Variants in ARRB1 observed in about 807,000 individuals in gnomAD.
ARRB1 encodes arrestin beta 1.
ARRB1 carries 21 observed loss-of-function variants against 56.8 expected under a neutral mutation model. The ratio of observed to expected loss-of-function variants is 0.37; its 90% CI spans 0.26 to 0.53. ARRB1 has a LOEUF of 0.53. Among genes scored for constraint, ARRB1 ranks in the 20% least tolerant of loss-of-function variants. ARRB1 has a pLI of 0.88. For missense variants in ARRB1, 424 were observed against 553.7 expected (o/e 0.77, Z 2.35); for synonymous variants, 210 against 218.6 (o/e 0.96, Z 0.35).
At chr11:75,342,736 G>T (rs1248457799) in intron 1 of ARRB1, among the ~76,000 whole-genome samples, 1 of 152,172 alleles carries the variant, frequency 6.6e-6, no homozygotes, top group Non-Finnish European at 1.5e-5. Context: ...GGAGAGAATG[G>T]CTCCGTGGCC....
intron 1 of ARRB1, among the ~76,000 whole-genome samples, chr11:75,331,791 T>G (rs1173565321): frequency 6.6e-6 from 1 of 151,754 alleles, no homozygotes; most frequent in African/African-American, 2.4e-5. Context: ...CGGACTCGAG[T>G]GAAACTCATC....
intron 7 of ARRB1, 101 bp downstream of exon 7, chr11:75,280,974 C>A: frequency 7.3e-7 from 1 of 1,377,736 alleles, no homozygotes; most frequent in Non-Finnish European, 1.0e-6. Flanking sequence ...CGCCCCTCCT[C>A]ACACACTTCC....
intron 1 of ARRB1, among the ~76,000 whole-genome samples, chr11:75,296,437 T>C (rs1204358428): frequency 2.6e-5 from 4 of 152,144 alleles, no homozygotes; most frequent in African/African-American, 9.7e-5. Flanking sequence ...CAACTCTCCA[T>C]GAACCAGAAT....
intron 1 of ARRB1, among the ~76,000 whole-genome samples, chr11:75,336,610 C>T (rs1591988144): frequency 1.3e-5 from 2 of 152,126 alleles, no homozygotes; most frequent in African/African-American, 4.8e-5. Context: ...TCCTGAGATG[C>T]GAGACTGAGA....
chr11:75,305,022 T>C (rs28828820), intron 1 of ARRB1, among the ~76,000 whole-genome samples: 1,788 of 86,456 alleles, frequency 0.021, 19 homozygotes, highest in African/African-American at 0.065. Flanking sequence ...TTCTTTCTTT[T>C]TTTTTTTTTT....
intron 1 of ARRB1, among the ~76,000 whole-genome samples, chr11:75,338,746 TTGATTA>T (rs1947650714): frequency 6.6e-6 from 1 of 152,238 alleles, no homozygotes; most frequent in Non-Finnish European, 1.5e-5. Flanking sequence ...TATTAATCAC[TTGATTA>T]TGATGTGTAA....
chr11:75,295,559 G>C (rs1479622049), intron 1 of ARRB1, among the ~76,000 whole-genome samples: 2 of 152,138 alleles, frequency 1.3e-5, no homozygotes, highest in Admixed American at 1.3e-4. Flanking sequence ...GGATAATCCA[G>C]AACAATCTCC....
chr11:75,305,030 T>C (rs1565129533), intron 1 of ARRB1, among the ~76,000 whole-genome samples: 1 of 140,338 alleles, frequency 7.1e-6, no homozygotes, highest in Admixed American at 7.1e-5. Context: ...TTTTTTTTTT[T>C]TTTTTTTTTT....
chr11:75,332,672 T>G (rs1947539878), intron 1 of ARRB1, among the ~76,000 whole-genome samples: 1 of 152,018 alleles, frequency 6.6e-6, no homozygotes, highest in Admixed American at 6.6e-5. Flanking sequence ...CGAGGCAGGC[T>G]GATCATGAGG....
intron 1 of ARRB1, among the ~76,000 whole-genome samples, chr11:75,298,255 A>G (rs75514996): frequency 4.6e-5 from 7 of 152,062 alleles, no homozygotes; most frequent in East Asian, 3.8e-4. Context: ...AAAAAAAAAA[A>G]AAAGAAACCC....
rs138466122 is a variant in ARRB1 at position 75,290,026 on chromosome 11, C to A, written c.34G>T (p.Ala12Ser). 6.8e-5 allele frequency: 110 copies of A among 1,614,236 alleles called. No individual in the cohort carries two copies. In the African/African-American group the frequency reaches 1.2e-3, roughly 18 times the overall value. The change falls in exon 2 of 16, where the codon GCC becomes TCC. Residue 12 changes from alanine to serine, a missense_variant. Physicochemically the swap from Ala to Ser is moderately conservative, Grantham distance 99. This residue lies in a region of ARRB1 where 301 missense variants were observed against 387.9 expected (regional missense o/e 0.78). Transcript: ENST00000420843. Reference sequence around the variant, plus strand: ...AGACTCACCTTTCCATTTGGACTGGCCTTCTTGAACACTCTGTGGAGAGAA... The same window carrying A: ...AGACTCACCTTTCCATTTGGACTGGACTTCTTGAACACTCTGTGGAGAGAA... ...GDKGTRVFKK[A>S]SPNGKLTVYL...
At chr11:75,283,780 G>A (rs1035688176) in intron 4 of ARRB1, among the ~76,000 whole-genome samples, 3 of 152,154 alleles carry the variant, frequency 2.0e-5, no homozygotes, top group African/African-American at 2.4e-5. Flanking sequence ...CAGGCTTGGC[G>A]GGGGCTGGAG....
At chr11:75,351,138 G>A (rs148983627) in intron 1 of ARRB1, among the ~76,000 whole-genome samples, 30 of 152,344 alleles carry the variant, frequency 2.0e-4, no homozygotes, top group African/African-American at 5.1e-4. Context: ...GTTGGATTGT[G>A]AGCTGTGCAT....
intron 5 of ARRB1, among the ~76,000 whole-genome samples, chr11:75,282,773 C>T (rs962243904): frequency 1.3e-5 from 2 of 152,248 alleles, no homozygotes; most frequent in Admixed American, 1.3e-4. Context: ...ACCCTCTCCA[C>T]TCTCTCAGCC....
intron 2 of ARRB1, among the ~76,000 whole-genome samples, 182 bp from the exon 3 acceptor site, chr11:75,287,557 A>G (rs1352632291): frequency 6.6e-6 from 1 of 152,214 alleles, no homozygotes; most frequent in African/African-American, 2.4e-5. Flanking sequence ...AAACCCCTGT[A>G]AAATCTTAAA....
chr11:75,280,915 C>G (rs1946319118), intron 7 of ARRB1, 160 bp downstream of exon 7: 7 of 795,064 alleles, frequency 8.8e-6, no homozygotes, highest in Non-Finnish European at 1.4e-5. Context: ...CCAAGGAAGC[C>G]CTCCGTGACC....
chr11:75,322,919 T>G (rs937831538), intron 1 of ARRB1, among the ~76,000 whole-genome samples: 1 of 152,208 alleles, frequency 6.6e-6, no homozygotes, highest in Non-Finnish European at 1.5e-5. Flanking sequence ...GTCTACTTCC[T>G]GGGTTGTTGT....
intron 1 of ARRB1, among the ~76,000 whole-genome samples, chr11:75,340,086 G>A (rs971169662): frequency 6.6e-6 from 1 of 152,260 alleles, no homozygotes; most frequent in African/African-American, 2.4e-5. Context: ...TTCGGGACAT[G>A]CCTTGAGTGG....
intron 1 of ARRB1, among the ~76,000 whole-genome samples, chr11:75,308,724 G>A (rs1038618174): frequency 7.9e-5 from 12 of 151,176 alleles, no homozygotes; most frequent in Non-Finnish European, 1.3e-4. Flanking sequence ...CAGCCTTGGC[G>A]ACAGAGTGAG....
Sources: allele counts gnomAD v4.1 joint callset (sites outside exome capture counted in the v4.1 genomes callset), GRCh38; gene constraint gnomAD v4.1.1; regional missense constraint gnomAD v4.1.1; transcripts MANE v1.5; gene names NCBI Gene and HGNC (gene_info 2026-07-23, HGNC 2026-07-21).